COL6A2: variants seen among roughly 807,000 people sequenced by gnomAD.
COL6A2 encodes the protein collagen type VI alpha 2 chain.
A neutral mutation model predicts 124.9 loss-of-function variants in COL6A2; 90 were observed. That is an observed-to-expected ratio of 0.72 (90% CI 0.61 to 0.86). The LOEUF (loss-of-function observed/expected upper bound fraction) is 0.86, where lower values mean the gene tolerates loss of function less well. Among genes scored for constraint, COL6A2 ranks in the 40% least tolerant of loss-of-function variants. COL6A2 has a pLI of 0.00. For missense variants in COL6A2, 1,607 were observed against 1,502.5 expected (o/e 1.07, Z -1.15); for synonymous variants, 793 against 618.2 (o/e 1.28, Z -4.19).
chr21:46,106,405 A>T (rs1601207283), intron 1 of COL6A2, among the ~76,000 whole-genome samples: 1 of 152,170 alleles, frequency 6.6e-6, no homozygotes, highest in East Asian at 1.9e-4. Flanking sequence ...AAGTTACCTC[A>T]CTGGGCCTTG....
rs2078512786 is a variant in COL6A2, at chr21:46,118,611, CA to C, written c.1117-2del. 1 of 1,612,474 alleles carries C rather than the reference CA, an allele frequency of 6.2e-7. No individual in the cohort carries two copies. The highest frequency in any genetic ancestry group is 8.5e-7 in the Non-Finnish European group (1 of 1,179,864). On this transcript the variant is annotated splice_acceptor_variant, in intron 12 of 27. Transcript: ENST00000300527. LOFTEE classifies it high-confidence loss of function. Reference sequence around the variant, plus strand: ...GTGAGGCTGATTCTGCAAACCCTTCCAGGGGGACCCTGGCCGCCCAGGACGC... The same window carrying C: ...GTGAGGCTGATTCTGCAAACCCTTCCGGGGGACCCTGGCCGCCCAGGACGC...
chr21:46,108,746 C>T (rs777184873), intron 1 of COL6A2, among the ~76,000 whole-genome samples: 5 of 152,144 alleles, frequency 3.3e-5, no homozygotes, highest in Admixed American at 6.5e-5. Flanking sequence ...TATAGTGGTC[C>T]TTAATATGCT....
chr21:46,103,691 G>A lies in COL6A2; in HGVS notation c.-28+5518G>A, dbSNP rs114102448. Among the ~76,000 whole-genome samples the A allele has an allele frequency of 3.9e-3, 590 of 152,162 alleles. 5 individuals are homozygous for A. The highest frequency in any genetic ancestry group is 0.013 in the African/African-American group (545 of 41,508). On this transcript the variant is annotated intron_variant, in intron 1 of 27. Transcript: ENST00000300527. ...ATTTAACAGGGTGTTGTTTAATTTC[G>A]TGATTTTTTAAATGTCCTTGTTGCT...
At chr21:46,127,232 G>A (rs1006547463) in intron 27 of COL6A2, among the ~76,000 whole-genome samples, 2 of 152,168 alleles carry the variant, frequency 1.3e-5, no homozygotes, top group Non-Finnish European at 2.9e-5. Context: ...GGATGCCATG[G>A]AGACAGGGTG....
intron 27 of COL6A2, chr21:46,129,949 T>C: frequency 3.1e-6 from 2 of 636,312 alleles, no homozygotes; most frequent in Non-Finnish European, 3.9e-6. Context: ...GCTGCCCAGG[T>C]GCTGGAGGAT....
At chr21:46,125,204 C>T (rs1228415269) in intron 23 of COL6A2, 62 bp from the exon 24 acceptor site, 14 of 1,502,704 alleles carry the variant, frequency 9.3e-6, no homozygotes, top group Admixed American at 5.1e-5. Flanking sequence ...AGGCCAGGAC[C>T]TTGCTGTGGA....
intron 27 of COL6A2, 72 bp from the exon 28 acceptor site, chr21:46,131,882 G>C: frequency 4.3e-6 from 6 of 1,401,656 alleles, no homozygotes; most frequent in Non-Finnish European, 5.9e-6. Flanking sequence ...GAAGGGCACA[G>C]GTGCGGGGCT....
At chr21:46,118,869 C>T (rs1028649029) in intron 13 of COL6A2, among the ~76,000 whole-genome samples, 161 bp from the exon 14 acceptor site, 9 of 152,190 alleles carry the variant, frequency 5.9e-5, no homozygotes, top group Non-Finnish European at 8.8e-5. Context: ...GCCCTCCTCA[C>T]GAGGCTGAAC....
Position 46,117,958 on chromosome 21 carries a change from C to T in COL6A2, c.1116+22C>T, listed in dbSNP as rs111592472. On this transcript the variant is annotated intron_variant, in intron 12 of 27. Transcript: ENST00000300527. ...CAAGGTAAGTGGCCTTGTCAGGGTA[C>T]GGGGCAGGCGGGGTCACCAGCTTCC... 4,056 of 1,602,654 alleles carry T rather than the reference C, an allele frequency of 2.5e-3. 71 individuals carry two copies. The African/African-American group carries it at 0.04, about 16-fold the overall frequency.
chr21:46,098,778 A>G (rs1175432459), intron 1 of COL6A2: 1 of 152,132 alleles, frequency 6.6e-6, no homozygotes, highest in African/African-American at 2.4e-5. Flanking sequence ...CGCCAGGCCC[A>G]GGAGAAGCTG....
chr21:46,125,704 C>G lies in COL6A2; in HGVS notation c.1970-81C>G, dbSNP rs796730223. ...AGATGGGAGAAGTCCAGACGCGTCC[C>G]TCCAACGAGGGCCTCTGCATGGCTG... On this transcript the variant is annotated intron_variant, in intron 25 of 27. Transcript: ENST00000300527. The G allele has an allele frequency of 1.3e-5, 20 of 1,594,378 alleles. No individual in the cohort carries two copies. The African/African-American group carries it at 2.5e-4, about 20-fold the overall frequency.
intron 12 of COL6A2, 52 bp downstream of exon 12, chr21:46,117,988 G>T: frequency 6.4e-7 from 1 of 1,553,842 alleles, no homozygotes; most frequent in Non-Finnish European, 8.8e-7. Context: ...GCTTCCAGGG[G>T]CCTCCTGGAG....
intron 1 of COL6A2, among the ~76,000 whole-genome samples, chr21:46,109,850 C>T (rs1263079794): frequency 6.6e-6 from 1 of 152,188 alleles, no homozygotes; most frequent in Non-Finnish European, 1.5e-5. Context: ...AAGAGTGCAG[C>T]GATGCCTGGG....
rs140611044 is a variant in COL6A2 at position 46,119,773 on chromosome 21, G to T, written c.1270-15G>T. On this transcript the variant is annotated splice_polypyrimidine_tract_variant and intron_variant, in intron 14 of 27. Coordinates refer to ENST00000300527, the MANE Select transcript of COL6A2 (RefSeq NM_001849.4). The stretch of plus-strand genomic sequence containing the variant: ...ACTCAGCCCCCTCCCTCACCCACAC[G>T]CCTGTTCTCTGCAGGGGCGCAGGGG... 1.3e-6 allele frequency: 2 copies of T among 1,556,520 alleles called. No individual in the cohort carries two copies. Among genetic ancestry groups the T allele is most frequent in the Non-Finnish European group, 1.7e-6 (2 of 1,149,802 alleles).
rs1443910138 is a variant in COL6A2, at chr21:46,122,262, A to G, written c.1572+104A>G. The G allele has an allele frequency of 3.6e-6, 5 of 1,379,012 alleles. No homozygotes were observed. In the Admixed American group the frequency reaches 9.5e-5, roughly 26 times the overall value. 85.4% of individuals were successfully genotyped at this position (1,379,012 alleles called of 1,614,324 possible). ...CCTCAAGGCCTCCTCTGTGCAGAAG[A>G]AAGTGTGAGGTCCCTCCTGCGGGAC... is the stretch of plus-strand genomic sequence containing the variant. On this transcript the variant is annotated intron_variant, in intron 19 of 27. Transcript: ENST00000300527.
chr21:46,124,869 A>C lies in COL6A2; in HGVS notation c.1735-16A>C. 3 of 1,612,832 alleles carry C rather than the reference A, an allele frequency of 1.9e-6. No homozygotes were observed. The highest frequency in any genetic ancestry group is 2.5e-6 in the Non-Finnish European group (3 of 1,179,974). On this transcript the variant is annotated splice_polypyrimidine_tract_variant and intron_variant, in intron 22 of 27. Transcript: ENST00000300527. ...GCCTTGGCCCCAGAGTCTCAGCCTC[A>C]TCCTTCCTTCCCCAGGGTGAGCCCG... is the stretch of plus-strand genomic sequence containing the variant.
chr21:46,122,573 G>A (rs759681993), intron 20 of COL6A2, 42 bp downstream of exon 20: 6 of 1,602,940 alleles, frequency 3.7e-6, no homozygotes, highest in African/African-American at 2.7e-5. Context: ...CCAGGGTGGG[G>A]GTCTGCACGC....
intron 5 of COL6A2, among the ~76,000 whole-genome samples, chr21:46,115,458 G>C (rs374251811): frequency 6.6e-6 from 1 of 152,222 alleles, no homozygotes; most frequent in African/African-American, 2.4e-5. Flanking sequence ...TTTATGTGGT[G>C]TTCTGAAGTC....
chr21:46,125,584 G>T lies in COL6A2; in HGVS notation c.1936G>T (p.Gly646Cys), dbSNP rs1201404615. Reference protein sequence around the residue: ...NFVINVVNRLGAIAKDPKSET... With the variant: ...NFVINVVNRLCAIAKDPKSET... ...CGTCATCAACGTGGTCAACAGGCTG[G>T]GTGCCATCGCTAAGGACCCCAAGTC... The change falls in exon 25 of 28, where the codon GGT (glycine) becomes TGT (cysteine). Residue 646 changes from glycine (G) to cysteine (C), a missense_variant. By Grantham distance (159) the Gly-to-Cys change is radical. Transcript: ENST00000300527. 3 of 1,612,738 alleles carry T rather than the reference G, an allele frequency of 1.9e-6. No homozygotes were observed. The highest frequency in any genetic ancestry group is 2.5e-6 in the Non-Finnish European group (3 of 1,179,974).
Sources: gnomAD v4.1 joint callset for allele counts (sites outside exome capture counted in the v4.1 genomes callset) on GRCh38, gnomAD v4.1.1 for gene constraint, MANE v1.5 for transcripts, NCBI Gene and HGNC (gene_info 2026-07-23, HGNC 2026-07-21) for gene names.